BRD10: variants seen among roughly 807,000 people sequenced by gnomAD.
The protein encoded by BRD10 is bromodomain containing 10.
At chr9:5,966,451 T>G in the BRD10 span, among the ~76,000 whole-genome samples, 1 of 99,884 alleles carries the variant, frequency 1.0e-5, no homozygotes, top group South Asian at 3.5e-4. Context: ...GAGACTAACA[T>G]TTCCTTTTTT....
the BRD10 span, among the ~76,000 whole-genome samples, chr9:5,993,852 T>C: frequency 2.0e-5 from 3 of 152,216 alleles, no homozygotes; most frequent in African/African-American, 7.2e-5. Flanking sequence ...CAGGGGCAAA[T>C]GGAGATTAAC....
chr9:5,969,576 C>T, the BRD10 span: 1 of 652,938 alleles, frequency 1.5e-6, no homozygotes, highest in Non-Finnish European at 2.5e-6. Context: ...CAGAGTCTCG[C>T]TCTGTCCCCC....
At chr9:5,925,358 C>CA in the BRD10 span, among the ~76,000 whole-genome samples, 74 of 116,164 alleles carry the variant, frequency 6.4e-4, 1 homozygote, top group Admixed American at 3.6e-3. Context: ...GACTCCATCT[C>CA]AAAAAAAAAA....
chr9:5,936,248 G>A, the BRD10 span, among the ~76,000 whole-genome samples: 3 of 152,094 alleles, frequency 2.0e-5, no homozygotes, highest in Admixed American at 1.3e-4. Flanking sequence ...CCCAGCTACT[G>A]GGGAGGCTGA....
chr9:5,898,653 C>T, the BRD10 span, among the ~76,000 whole-genome samples: 8 of 152,148 alleles, frequency 5.3e-5, no homozygotes, highest in East Asian at 3.9e-4. Context: ...TTATAGCAAA[C>T]AGGAGTATAT....
At chr9:5,891,690 G>A in the BRD10 span, among the ~76,000 whole-genome samples, 1 of 152,006 alleles carries the variant, frequency 6.6e-6, no homozygotes, top group African/African-American at 2.4e-5. Flanking sequence ...ATTTTTTGTT[G>A]TTCATTTGTA....
chr9:5,991,618 G>A, the BRD10 span, among the ~76,000 whole-genome samples: 3 of 151,540 alleles, frequency 2.0e-5, no homozygotes, highest in Non-Finnish European at 2.9e-5. Context: ...CAAGCTACGC[G>A]GGAGGCTGAG....
the BRD10 span, chr9:5,908,650 C>G: frequency 6.2e-7 from 1 of 1,614,026 alleles, no homozygotes; most frequent in East Asian, 2.2e-5. Context: ...GTTCCCAATG[C>G]TCCACCTGCT....
chr9:5,922,553 G>C, the BRD10 span: 1 of 1,613,950 alleles, frequency 6.2e-7, no homozygotes, highest in Non-Finnish European at 8.5e-7. Context: ...TGATGCTAAA[G>C]AAGAATTTAT....
At chr9:5,988,529 T>C in the BRD10 span, 1 of 1,613,670 alleles carries the variant, frequency 6.2e-7, no homozygotes, top group Non-Finnish European at 8.5e-7. Context: ...GCTATCGTTG[T>C]CTTTTCTCTC....
chr9:5,899,207 G>T, the BRD10 span: 24 of 152,176 alleles, frequency 1.6e-4, no homozygotes, highest in African/African-American at 5.1e-4. Context: ...AAAGATGTTG[G>T]AAAGTCCCAT....
the BRD10 span, chr9:5,924,645 G>C: frequency 2.0e-6 from 3 of 1,465,510 alleles, no homozygotes; most frequent in East Asian, 7.1e-5. Context: ...TAAAAAAAAA[G>C]TTTAATGCTT....
chr9:5,975,532 G>A, the BRD10 span, among the ~76,000 whole-genome samples: 2 of 147,172 alleles, frequency 1.4e-5, no homozygotes, highest in Non-Finnish European at 3.0e-5. Flanking sequence ...AAAAACTTAA[G>A]TAGAGACATG....
the BRD10 span, among the ~76,000 whole-genome samples, chr9:5,967,066 C>T: frequency 3.3e-5 from 5 of 152,216 alleles, no homozygotes; most frequent in South Asian, 8.3e-4. Context: ...AGATTCATTC[C>T]CTTATTTTCC....
chr9:5,928,921 A>G, the BRD10 span: 4 of 553,280 alleles, frequency 7.2e-6, no homozygotes, highest in Non-Finnish European at 1.3e-5. Flanking sequence ...CACAGTGGGC[A>G]GTCAAAAATA....
the BRD10 span, among the ~76,000 whole-genome samples, chr9:5,998,789 A>G: frequency 2.0e-5 from 3 of 152,098 alleles, no homozygotes; most frequent in Non-Finnish European, 4.4e-5. Flanking sequence ...AAATATTACT[A>G]TCAATCAAAT....
At chr9:5,930,486 A>G in the BRD10 span, among the ~76,000 whole-genome samples, 1 of 151,722 alleles carries the variant, frequency 6.6e-6, no homozygotes. Context: ...GCTTTAAACC[A>G]GCAGAATGTT....
the BRD10 span, among the ~76,000 whole-genome samples, chr9:5,928,458 T>A: frequency 2.0e-5 from 3 of 152,160 alleles, no homozygotes; most frequent in Non-Finnish European, 4.4e-5. Flanking sequence ...ACTCCAATTC[T>A]TAAAGATCTA....
chr9:5,906,552 T>C, the BRD10 span, among the ~76,000 whole-genome samples: 16 of 152,260 alleles, frequency 1.1e-4, no homozygotes, highest in Non-Finnish European at 1.5e-4. Flanking sequence ...TCACTATTGA[T>C]GGATAATTTC....
Sources: gnomAD v4.1 joint callset for allele counts (sites outside exome capture counted in the v4.1 genomes callset) on GRCh38, gnomAD v4.1.1 for gene constraint, MANE v1.5 for transcripts, NCBI Gene and HGNC (gene_info 2026-07-23, HGNC 2026-07-21) for gene names.